Variants in ST6GALNAC5 observed in about 807,000 individuals in gnomAD.
ST6GALNAC5 encodes ST6 N-acetylgalactosaminide alpha-2,6-sialyltransferase 5, also known as alpha-N-acetylgalactosaminide alpha-2,6-sialyltransferase 5.
Under a neutral mutation model 33.6 loss-of-function variants are expected in ST6GALNAC5, and 27 were observed. The ratio of observed to expected loss-of-function variants is 0.80; its 90% CI spans 0.59 to 1.11. The LOEUF (loss-of-function observed/expected upper bound fraction) is 1.11. ST6GALNAC5 is among the 50% of genes least tolerant of loss of function. The pLI is 0.00. For missense variants in ST6GALNAC5, 428 were observed against 454.0 expected, an observed-to-expected ratio of 0.94 and a Z score of 0.52; for synonymous variants, 194 against 171.2, an observed-to-expected ratio of 1.13 and a Z score of -1.04.
chr1:77,064,827 A>T lies in ST6GALNAC5; in HGVS notation c.*1621A>T, dbSNP rs1399526120. The T allele has an allele frequency of 6.6e-6, 1 of 152,236 alleles. No homozygotes were observed. 9.4% of individuals were successfully genotyped at this position (152,236 alleles called of 1,614,324 possible). On this transcript the variant is annotated 3_prime_UTR_variant, in exon 5 of 5. Coordinates refer to ENST00000477717, the MANE Select transcript of ST6GALNAC5 (RefSeq NM_030965.3). ...TTGTTTTACAGACATGACCTGGCTT[A>T]TGATAAAAGAAGTTTTATCGCATTA... is the stretch of plus-strand genomic sequence containing the variant.
rs773745144 is a variant in ST6GALNAC5, at chr1:76,868,410, GACC to G, written c.16-83_16-81del. 1.3e-4 allele frequency: 200 copies of G among 1,503,370 alleles called. No homozygotes were observed. The highest frequency in any genetic ancestry group is 2.3e-4 in the Admixed American group (11 of 46,858). 93.1% of individuals were successfully genotyped at this position (1,503,370 alleles called of 1,614,324 possible). A position where few individuals can be genotyped will look rare whatever the true frequency, so the allele number is the denominator to read the frequency against. On this transcript the variant is annotated intron_variant, in intron 1 of 4. Coordinates refer to ENST00000477717, the MANE Select transcript of ST6GALNAC5 (RefSeq NM_030965.3). This position sits in a 1 kb window ranked among gnomAD's most constrained non-coding sequence, Gnocchi z 4.3. Reference sequence around the variant, plus strand: ...CGCCCCAAATCTCCCCCACTAGAGTGACCACCGCACAGTTGTCCCCGCTGGGCG... The same window carrying G: ...CGCCCCAAATCTCCCCCACTAGAGTGACCGCACAGTTGTCCCCGCTGGGCG...
chr1:76,918,616 C>CAAAAAAAAA, intron 2 of ST6GALNAC5, among the ~76,000 whole-genome samples: 1 of 76,578 alleles, frequency 1.3e-5, no homozygotes, highest in Non-Finnish European at 2.4e-5. Context: ...GACTCCATCT[C>CAAAAAAAAA]AAAAAAAAAA....
chr1:76,989,359 C>T (rs1649632427), intron 2 of ST6GALNAC5, among the ~76,000 whole-genome samples: 1 of 151,992 alleles, frequency 6.6e-6, no homozygotes, highest in African/African-American at 2.4e-5. Context: ...TGCTACCATA[C>T]TTTCCCTGAA....
chr1:76,898,977 G>A (rs559710184), intron 2 of ST6GALNAC5, among the ~76,000 whole-genome samples: 4 of 152,114 alleles, frequency 2.6e-5, no homozygotes, highest in African/African-American at 7.2e-5. Flanking sequence ...AGTTGCATTG[G>A]GAACAGAGAC....
intron 4 of ST6GALNAC5, among the ~76,000 whole-genome samples, chr1:77,050,826 G>A (rs1312323529): frequency 1.3e-5 from 2 of 152,166 alleles, no homozygotes; most frequent in African/African-American, 4.8e-5. Flanking sequence ...GCACTTCTAA[G>A]GCCAAAAGCA....
chr1:76,898,672 A>C (rs1396352601), intron 2 of ST6GALNAC5, among the ~76,000 whole-genome samples: 1 of 152,138 alleles, frequency 6.6e-6, no homozygotes, highest in African/African-American at 2.4e-5. Context: ...AGGAGCATTA[A>C]CCTTGACTAT....
At position 76,965,831 on chromosome 1, in the gene ST6GALNAC5, G is replaced by T. The variant is rs577287761; in HGVS notation, c.262-78373G>T. Among the ~76,000 whole-genome samples, 15 of 152,288 alleles carry T rather than the reference G, an allele frequency of 9.8e-5. No homozygotes were observed. In the East Asian group the frequency reaches 2.7e-3, roughly 27 times the overall value. On this transcript the variant is annotated intron_variant, in intron 2 of 4. Transcript: ENST00000477717. ...AATTTCAGCTTTCTACATATGGCTAGCTAGTTTTCCCAGCACCATTTATTA... is the reference window on the plus strand; with the variant it reads ...AATTTCAGCTTTCTACATATGGCTATCTAGTTTTCCCAGCACCATTTATTA...
At chr1:76,988,381 A>G (rs2100392368) in intron 2 of ST6GALNAC5, among the ~76,000 whole-genome samples, 1 of 152,020 alleles carries the variant, frequency 6.6e-6, no homozygotes, top group African/African-American at 2.4e-5. Context: ...TTTCTCTGTG[A>G]AGTTATATTT....
At chr1:76,987,045 C>T (rs1224697444) in intron 2 of ST6GALNAC5, among the ~76,000 whole-genome samples, 1 of 152,098 alleles carries the variant, frequency 6.6e-6, no homozygotes, top group African/African-American at 2.4e-5. Context: ...GGAGGGATAG[C>T]ATTAGGAGAA....
At chr1:77,017,785 T>C (rs1385910463) in intron 2 of ST6GALNAC5, among the ~76,000 whole-genome samples, 2 of 152,216 alleles carry the variant, frequency 1.3e-5, no homozygotes, top group African/African-American at 2.4e-5. Context: ...AGGGATTTGG[T>C]ATTAAATATT....
chr1:76,952,858 C>T lies in ST6GALNAC5; in HGVS notation c.261+84116C>T, dbSNP rs111585883. Among the ~76,000 whole-genome samples the T allele has an allele frequency of 6.6e-5, 10 of 152,158 alleles. 2 individuals carry two copies. Among genetic ancestry groups the T allele is most frequent in the African/African-American group, 2.4e-4 (10 of 41,534 alleles). ...CTGTGCTTCCTCTTTCTATTGTTAC[C>T]ACTTACTCCCCATCCTCTCACAACT... On this transcript the variant is annotated intron_variant, in intron 2 of 4. Transcript: ENST00000477717.
intron 2 of ST6GALNAC5, among the ~76,000 whole-genome samples, chr1:76,982,545 A>G (rs544426640): frequency 1.3e-5 from 2 of 152,354 alleles, no homozygotes; most frequent in Non-Finnish European, 2.9e-5. Flanking sequence ...TGATTGGTGT[A>G]CCTGAAAGTG....
rs184049773 is a variant in ST6GALNAC5 at position 77,011,891 on chromosome 1, G to A, written c.262-32313G>A. On this transcript the variant is annotated intron_variant, in intron 2 of 4. Transcript: ENST00000477717. Reference sequence around the variant, plus strand: ...TTATATACAAGATATTGTTCTGAATGCTTTTACATACATTATCGCAATTAA... The same window carrying A: ...TTATATACAAGATATTGTTCTGAATACTTTTACATACATTATCGCAATTAA... 5.8e-3 allele frequency among the ~76,000 whole-genome samples: 883 copies of A among 152,212 alleles called. 9 individuals carry two copies. Among genetic ancestry groups the A allele is most frequent in the African/African-American group, 0.02 (828 of 41,514 alleles).
chr1:76,952,306 G>A (rs887367307), intron 2 of ST6GALNAC5, among the ~76,000 whole-genome samples: 7 of 152,044 alleles, frequency 4.6e-5, no homozygotes, highest in East Asian at 1.9e-4. Context: ...GAATATGTGC[G>A]TGTATGTCCC....
intron 2 of ST6GALNAC5, among the ~76,000 whole-genome samples, chr1:76,909,948 A>G (rs1646895174): frequency 6.6e-6 from 1 of 152,078 alleles, no homozygotes; most frequent in South Asian, 2.1e-4. Flanking sequence ...TGAAATAACA[A>G]TAAGAAAACA....
chr1:77,017,839 T>C (rs1442902306), intron 2 of ST6GALNAC5, among the ~76,000 whole-genome samples: 1 of 152,180 alleles, frequency 6.6e-6, no homozygotes, highest in Non-Finnish European at 1.5e-5. Flanking sequence ...ACAGAGATAA[T>C]ATGTAAAGAG....
intron 4 of ST6GALNAC5, among the ~76,000 whole-genome samples, 153 bp downstream of exon 4, chr1:77,050,518 G>A (rs1309713635): frequency 6.6e-6 from 1 of 152,174 alleles, no homozygotes; most frequent in Non-Finnish European, 1.5e-5. Context: ...ACAACAAACA[G>A]CATTTAATTA....
chr1:76,957,362 G>A (rs936973967), intron 2 of ST6GALNAC5, among the ~76,000 whole-genome samples: 1 of 152,088 alleles, frequency 6.6e-6, no homozygotes, highest in South Asian at 2.1e-4. Flanking sequence ...GGGTCTCTCT[G>A]TCCCTCCTCT....
At chr1:76,870,535 G>T (rs979667978) in intron 2 of ST6GALNAC5, among the ~76,000 whole-genome samples, 1 of 152,164 alleles carries the variant, frequency 6.6e-6, no homozygotes, top group Admixed American at 6.5e-5. Flanking sequence ...TAATGCTTAT[G>T]TTCAAAACAA....
Sources: gnomAD v4.1 joint callset for allele counts (sites outside exome capture counted in the v4.1 genomes callset) on GRCh38, gnomAD v4.1.1 for gene constraint, Gnocchi (gnomAD v3.1) non-coding constraint, MANE v1.5 for transcripts, NCBI Gene and HGNC (gene_info 2026-07-23, HGNC 2026-07-21) for gene names.